The following RBPJL variants were observed in gnomAD, a reference collection of about 807,000 sequenced individuals.
RBPJL encodes recombining binding protein suppressor of hairless-like protein.
Under a neutral mutation model 57.6 loss-of-function variants are expected in RBPJL, and 50 were observed. The ratio of observed to expected loss-of-function variants is 0.87; its 90% CI spans 0.69 to 1.10. RBPJL has a LOEUF of 1.10. Among genes scored for constraint, RBPJL ranks in the 50% least tolerant of loss-of-function variants. RBPJL has a pLI of 0.00. For missense variants in RBPJL, 684 were observed against 693.7 expected, an observed-to-expected ratio of 0.99 and a Z score of 0.16; for synonymous variants, 303 against 294.4, an observed-to-expected ratio of 1.03 and a Z score of -0.30.
chr20:45,313,407 T>A, intron 6 of RBPJL, 61 bp from the exon 7 acceptor site: 16 of 1,382,998 alleles, frequency 1.2e-5, no homozygotes, highest in Non-Finnish European at 1.5e-5. Context: ...ACCCTAACCC[T>A]ATCCCCTCAC....
Position 45,316,349 on chromosome 20 carries a change from C to A in RBPJL, c.1176+7C>A. Reference sequence around the variant, plus strand: ...TCTCATCAGCACCCTAGAGGTGAAGCCGGGCGCTAGGGGCGTTGGGCAGGG... The same window carrying A: ...TCTCATCAGCACCCTAGAGGTGAAGACGGGCGCTAGGGGCGTTGGGCAGGG... On this transcript the variant is annotated splice_region_variant and intron_variant, in intron 10 of 11. Coordinates refer to ENST00000343694, the MANE Select transcript of RBPJL (RefSeq NM_014276.4). 1 of 1,613,070 alleles carries A rather than the reference C, an allele frequency of 6.2e-7. No homozygotes were observed. Among genetic ancestry groups the A allele is most frequent in the Non-Finnish European group, 8.5e-7 (1 of 1,179,256 alleles).
intron 6 of RBPJL, 117 bp from the exon 7 acceptor site, chr20:45,313,351 C>A (rs907929100): frequency 1.3e-6 from 1 of 742,474 alleles, no homozygotes; most frequent in Non-Finnish European, 2.1e-6. Flanking sequence ...TAATCCTAAC[C>A]CTCACCCTCA....
chr20:45,316,915 CAGG>C lies in RBPJL; in HGVS notation c.1513_1515del (p.Glu505del), dbSNP rs1200946052. ...CGACGCGCTCCTGGAGAGCATCCAT[CAGG>C]AGTTCACGCGCACCAACTTCCACCT... On this transcript the variant is annotated inframe_deletion, in exon 12 of 12. Coordinates refer to ENST00000343694, the MANE Select transcript of RBPJL (RefSeq NM_014276.4). 1 of 1,613,444 alleles carries C rather than the reference CAGG, an allele frequency of 6.2e-7. No homozygotes were observed. The highest frequency in any genetic ancestry group is 1.7e-5 in the Admixed American group (1 of 59,988).
intron 8 of RBPJL, 119 bp from the exon 9 acceptor site, chr20:45,314,294 G>T: frequency 7.6e-7 from 1 of 1,321,806 alleles, no homozygotes. Context: ...AAGTCAAAGG[G>T]CAGGGGGAAT....
rs1016298661 is a variant in RBPJL, at chr20:45,317,184, G to A, written c.*225G>A. On this transcript the variant is annotated 3_prime_UTR_variant, in exon 12 of 12. Coordinates refer to ENST00000343694, the MANE Select transcript of RBPJL (RefSeq NM_014276.4). ...CCTGAGTGGTGCTGTCTTTGTGTCC[G>A]TCGTGTATGGCTCTCCCTGTCTTCA... 3.4e-6 allele frequency: 2 copies of A among 583,408 alleles called. No individual in the cohort carries two copies. Among genetic ancestry groups the A allele is most frequent in the Non-Finnish European group, 6.0e-6 (2 of 330,598 alleles). The allele number at this position is 583,408 out of a possible 1,614,324, so 36.1% of individuals were successfully genotyped here.
At chr20:45,308,380 T>G in intron 2 of RBPJL, 129 bp downstream of exon 2, 1 of 635,242 alleles carries the variant, frequency 1.6e-6, no homozygotes. Context: ...CCCCTCCCAC[T>G]GGCAGGGAGG....
chr20:45,312,426 G>A (rs758394934), intron 6 of RBPJL, 31 bp downstream of exon 6: 24 of 1,596,008 alleles, frequency 1.5e-5, no homozygotes, highest in East Asian at 9.0e-5. Context: ...CCCCCGGCCC[G>A]GGCGGGGAGG....
Position 45,309,664 on chromosome 20 carries a change from G to A in RBPJL, c.229G>A (p.Ala77Thr), listed in dbSNP as rs762735185. The change falls in exon 3 of 12, where the codon GCC becomes ACC. Residue 77 changes from alanine (A) to threonine (T), a missense_variant. Coordinates refer to ENST00000343694, the MANE Select transcript of RBPJL (RefSeq NM_014276.4). ...TGTGCGGATCCTGCATGCCAAGGTG[G>A]CCCAGAAATCATACGGAAATGAGAA... ...QTVRILHAKV[A>T]QKSYGNEKRF... 1 of 1,613,536 alleles carries A rather than the reference G, an allele frequency of 6.2e-7. No individual in the cohort carries two copies. The highest frequency in any genetic ancestry group is 8.5e-7 in the Non-Finnish European group (1 of 1,179,766).
chr20:45,313,211 C>A (rs1239154580), intron 6 of RBPJL, among the ~76,000 whole-genome samples: 1 of 151,994 alleles, frequency 6.6e-6, no homozygotes, highest in Non-Finnish European at 1.5e-5. Flanking sequence ...TCTGGAAAGT[C>A]CAAGGAACCA....
In RBPJL at chr20:45,313,489, A is replaced by G; in HGVS notation, c.641A>G (p.Lys214Arg). The change falls in exon 7 of 12, where the codon AAG becomes AGG. Residue 214 changes from lysine to arginine, a missense_variant. Lys to Arg is a conservative substitution (Grantham distance 26, BLOSUM62 2). Coordinates refer to ENST00000343694, the MANE Select transcript of RBPJL (RefSeq NM_014276.4). The stretch of plus-strand genomic sequence containing the variant: ...ACAGTGTGCATATCCTCCGGCTCAA[A>G]GGTCTCCCTCTTCAACCGCCTGCGC... ...NTDLCISSGS[K>R]VSLFNRLRSQ... 1 of 1,612,952 alleles carries G rather than the reference A, an allele frequency of 6.2e-7. No individual in the cohort carries two copies. The highest frequency in any genetic ancestry group is 1.1e-5 in the South Asian group (1 of 90,914).
intron 10 of RBPJL, 22 bp downstream of exon 10, chr20:45,316,364 G>A (rs1040269689): frequency 6.2e-7 from 1 of 1,612,454 alleles, no homozygotes; most frequent in Non-Finnish European, 8.5e-7. Context: ...CGCTAGGGGC[G>A]TTGGGCAGGG....
At position 45,308,182 on chromosome 20, in the gene RBPJL, T is replaced by C; in HGVS notation, c.62T>C (p.Leu21Pro). The C allele has an allele frequency of 6.2e-7, 1 of 1,614,050 alleles. No homozygotes were observed. Among genetic ancestry groups the C allele is most frequent in the East Asian group, 2.2e-5 (1 of 44,876 alleles). ...VPPNPLTHLS[L>P]QDRSEMQLQS... ...CCCAATCCTTTGACTCACCTGAGCC[T>C]GCAGGACAGATCAGAGATGCAGCTG... Residue 21 changes from leucine to proline, a missense_variant, in exon 2 of 12, where the codon CTG becomes CCG. By Grantham distance (98) the Leu-to-Pro change is moderately conservative (BLOSUM62 -3). Transcript: ENST00000343694.
At position 45,314,341 on chromosome 20, in the gene RBPJL, G is replaced by A. The variant is rs1328227048; in HGVS notation, c.868-72G>A. On this transcript the variant is annotated intron_variant, in intron 8 of 11. Coordinates refer to ENST00000343694, the MANE Select transcript of RBPJL (RefSeq NM_014276.4). Reference sequence around the variant, plus strand: ...TGTGTGGCTATTGGAGTAGCAGACAGCCGGCTAGGAGGGCAGCCTCTGGAC... The same window carrying A: ...TGTGTGGCTATTGGAGTAGCAGACAACCGGCTAGGAGGGCAGCCTCTGGAC... 4 of 1,539,256 alleles carry A rather than the reference G, an allele frequency of 2.6e-6. No individual in the cohort carries two copies. In the East Asian group the frequency reaches 6.8e-5, roughly 26 times the overall value.
At chr20:45,312,076 C>G (rs1158910094) in intron 5 of RBPJL, 122 bp downstream of exon 5, 1 of 1,460,150 alleles carries the variant, frequency 6.8e-7, no homozygotes, top group Non-Finnish European at 9.5e-7. Context: ...AGGCCGGGGT[C>G]CTGCCTTAAG....
At chr20:45,316,390 T>C (rs751817068) in intron 10 of RBPJL, 48 bp downstream of exon 10, 1 of 1,605,592 alleles carries the variant, frequency 6.2e-7, no homozygotes, top group African/African-American at 1.3e-5. Context: ...CTGCCTGCAC[T>C]GGGCAGTGGT....
chr20:45,309,954 A>G (rs989210407), intron 3 of RBPJL, among the ~76,000 whole-genome samples: 1 of 152,040 alleles, frequency 6.6e-6, no homozygotes, highest in African/African-American at 2.4e-5. Context: ...TCATTCAACA[A>G]CTACTTACTG....
chr20:45,307,062 C>A, intron 1 of RBPJL, 118 bp downstream of exon 1: 1 of 602,254 alleles, frequency 1.7e-6, no homozygotes, highest in South Asian at 8.6e-5. Flanking sequence ...GGCAGCCCGC[C>A]GAACTGCAAA....
rs1450907594 is a variant in RBPJL at position 45,313,413 on chromosome 20, C to T, written c.620-55C>T. On this transcript the variant is annotated intron_variant, in intron 6 of 11. Coordinates refer to ENST00000343694, the MANE Select transcript of RBPJL (RefSeq NM_014276.4). ...CCAATCCTAACCCTAACCCTATCCC[C>T]TCACCCTAACCCTGACCCTCACCCT... 4 of 1,472,366 alleles carry T rather than the reference C, an allele frequency of 2.7e-6. No homozygotes were observed. The East Asian group carries it at 7.1e-5, about 26-fold the overall frequency. The allele number at this position is 1,472,366 out of a possible 1,614,324, so 91.2% of individuals were successfully genotyped here.
rs772997405 is a variant in RBPJL, at chr20:45,309,604, G to A, written c.169G>A (p.Val57Met). ...PEHTTILRGG[V>M]RRCLQQQCEQ... ...GCACACCACCATTCTGAGGGGAGGCGTGCGCAGGTGCCTGCAGCAACAGTG... is the reference window on the plus strand; with the variant it reads ...GCACACCACCATTCTGAGGGGAGGCATGCGCAGGTGCCTGCAGCAACAGTG... The change falls in exon 3 of 12, where the codon GTG becomes ATG. Residue 57 changes from valine to methionine, a missense_variant. By Grantham distance (21) the Val-to-Met change is conservative (BLOSUM62 1). Transcript: ENST00000343694. 54 of 1,613,060 alleles carry A rather than the reference G, an allele frequency of 3.3e-5. No homozygotes were observed. Among genetic ancestry groups the A allele is most frequent in the South Asian group, 4.4e-5 (4 of 90,860 alleles).
Sources: allele counts gnomAD v4.1 joint callset (sites outside exome capture counted in the v4.1 genomes callset), GRCh38; gene constraint gnomAD v4.1.1; transcripts MANE v1.5; gene names NCBI Gene and HGNC (gene_info 2026-07-23, HGNC 2026-07-21).